The following ERBB4 variants were observed in gnomAD, a reference collection of about 807,000 sequenced individuals.
The protein encoded by ERBB4 is receptor tyrosine-protein kinase erbB-4.
A neutral mutation model predicts 158.0 loss-of-function variants in ERBB4; 42 were observed. That is an observed-to-expected ratio of 0.27 (90% CI 0.21 to 0.34). The LOEUF is 0.34. Among genes scored for constraint, ERBB4 ranks in the 10% least tolerant of loss-of-function variants. The pLI, the probability that ERBB4 is intolerant of heterozygous loss-of-function variation, is 1.00. For missense variants in ERBB4, 1,333 were observed against 1,624.1 expected (o/e 0.82, Z 3.08); for synonymous variants, 583 against 558.7 (o/e 1.04, Z -0.61).
intron 23 of ERBB4, among the ~76,000 whole-genome samples, chr2:211,423,712 A>G (rs1407886559): frequency 6.6e-6 from 1 of 151,800 alleles, no homozygotes; most frequent in East Asian, 1.9e-4. Context: ...CAGTAGACCT[A>G]TTTCTATTAA....
chr2:211,602,438 C>CCCA (rs1052381050), intron 19 of ERBB4, among the ~76,000 whole-genome samples: 2 of 152,022 alleles, frequency 1.3e-5, no homozygotes, highest in Non-Finnish European at 2.9e-5. Context: ...ATCACTTGTT[C>CCCA]ACCAGCCTGC....
chr2:211,462,124 C>T (rs1188725426), intron 20 of ERBB4, among the ~76,000 whole-genome samples: 1 of 151,822 alleles, frequency 6.6e-6, no homozygotes, highest in Non-Finnish European at 1.5e-5. Flanking sequence ...CTTGGCTTCT[C>T]GGGGAGATCT....
chr2:212,159,610 G>A (rs1439058375), intron 1 of ERBB4, among the ~76,000 whole-genome samples: 1 of 151,874 alleles, frequency 6.6e-6, no homozygotes, highest in Non-Finnish European at 1.5e-5. Flanking sequence ...TGACAGGCTA[G>A]TTGCAATTAC....
chr2:212,188,050 C>A (rs866733791), intron 1 of ERBB4, among the ~76,000 whole-genome samples: 66 of 152,118 alleles, frequency 4.3e-4, no homozygotes, highest in African/African-American at 1.5e-3. Context: ...TTTAGCACTT[C>A]TTCTCCTGAC....
intron 2 of ERBB4, 27 bp from the exon 3 acceptor site, chr2:211,947,643 G>A (rs940697354): frequency 1.2e-6 from 2 of 1,600,632 alleles, no homozygotes; most frequent in Non-Finnish European, 1.7e-6. Flanking sequence ...AGTTGCCTGT[G>A]TTATAAAACG....
intron 3 of ERBB4, among the ~76,000 whole-genome samples, chr2:211,922,128 T>C (rs2079873056): frequency 6.6e-6 from 1 of 152,144 alleles, no homozygotes; most frequent in African/African-American, 2.4e-5. Context: ...CCTTGTAGAA[T>C]GTTTGTCAGC....
chr2:212,442,364 G>T (rs1211002435), intron 1 of ERBB4, among the ~76,000 whole-genome samples: 1 of 152,124 alleles, frequency 6.6e-6, no homozygotes, highest in East Asian at 1.9e-4. Flanking sequence ...TTTGAGGAAG[G>T]ACCCCACTAC....
chr2:211,464,802 G>C (rs1247158935), intron 20 of ERBB4, among the ~76,000 whole-genome samples: 1 of 151,698 alleles, frequency 6.6e-6, no homozygotes, highest in East Asian at 1.9e-4. Context: ...TACAGTGGTG[G>C]CTTCTAATGG....
intron 2 of ERBB4, among the ~76,000 whole-genome samples, chr2:212,109,888 G>T (rs2079351531): frequency 6.6e-6 from 1 of 152,082 alleles, no homozygotes; most frequent in African/African-American, 2.4e-5. Flanking sequence ...AGATGCAGAG[G>T]GTATGAATTG....
rs550153713 is a variant in ERBB4 at position 211,532,156 on chromosome 2, G to C, written c.2487+29747C>G. On this transcript the variant is annotated intron_variant, in intron 20 of 27. Transcript: ENST00000342788. ...CCAGAGTCTGGGAAGGGTTGTGGGG[G>C]GGGAAAGTAGGTATGGTCAATGGGT... 4.3e-3 allele frequency among the ~76,000 whole-genome samples: 649 copies of C among 151,714 alleles called. 4 individuals carry two copies. Among genetic ancestry groups the C allele is most frequent in the African/African-American group, 0.015 (616 of 41,482 alleles).
intron 3 of ERBB4, among the ~76,000 whole-genome samples, chr2:211,802,225 G>A (rs2076514652): frequency 6.6e-6 from 1 of 151,312 alleles, no homozygotes; most frequent in African/African-American, 2.4e-5. Flanking sequence ...CGCCGCTGCA[G>A]TACGGCCTGG....
At chr2:211,749,569 G>C (rs1210283110) in intron 5 of ERBB4, among the ~76,000 whole-genome samples, 1 of 152,144 alleles carries the variant, frequency 6.6e-6, no homozygotes, top group East Asian at 1.9e-4. Context: ...TTTTGGATAT[G>C]AGAGTGCCCA....
intron 1 of ERBB4, among the ~76,000 whole-genome samples, chr2:212,310,476 C>G (rs989609153): frequency 6.0e-5 from 9 of 150,638 alleles, no homozygotes; most frequent in African/African-American, 2.2e-4. Context: ...ATTTTTTACT[C>G]CTTACAGCTT....
chr2:212,497,235 A>C (rs1690634343), intron 1 of ERBB4, among the ~76,000 whole-genome samples: 1 of 152,104 alleles, frequency 6.6e-6, no homozygotes, highest in Non-Finnish European at 1.5e-5. Context: ...TTAAAAAAAC[A>C]ATATTTATAG....
chr2:211,573,723 A>G (rs1028658474), intron 19 of ERBB4, among the ~76,000 whole-genome samples: 2 of 152,104 alleles, frequency 1.3e-5, no homozygotes, highest in Non-Finnish European at 2.9e-5. Flanking sequence ...AAAATGTTTC[A>G]GAAGCTACAG....
At chr2:211,532,255 T>A (rs1296354529) in intron 20 of ERBB4, among the ~76,000 whole-genome samples, 1 of 152,050 alleles carries the variant, frequency 6.6e-6, no homozygotes, top group African/African-American at 2.4e-5. Context: ...AATAATAATT[T>A]AATTGTACAT....
Position 211,378,599 on chromosome 2 carries a change from G to C in ERBB4, c.*5016C>G, listed in dbSNP as rs2062520019. On this transcript the variant is annotated 3_prime_UTR_variant, in exon 28 of 28. Transcript: ENST00000342788. The stretch of plus-strand genomic sequence containing the variant: ...GAGAGAACTCAGATCTCTGGGATCA[G>C]AAAAATTTTATTAATTCTACCCAGA... 4.3e-6 allele frequency: 1 copy of C among 232,538 alleles called. No homozygotes were observed. Among genetic ancestry groups the C allele is most frequent in the African/African-American group, 2.2e-5 (1 of 45,272 alleles). 14.4% of individuals were successfully genotyped at this position (232,538 alleles called of 1,614,324 possible).
chr2:211,805,441 A>C (rs2076592264), intron 3 of ERBB4, among the ~76,000 whole-genome samples: 1 of 152,234 alleles, frequency 6.6e-6, no homozygotes, highest in Admixed American at 6.5e-5. Flanking sequence ...GAAAGAAAAC[A>C]CAAGAGTATG....
At chr2:211,619,145 A>C in intron 19 of ERBB4, 32 bp downstream of exon 19, 1 of 1,318,338 alleles carries the variant, frequency 7.6e-7, no homozygotes, top group South Asian at 1.2e-5. Flanking sequence ...GATAATGGAG[A>C]AAAATGTGAT....
Sources: allele counts gnomAD v4.1 joint callset (sites outside exome capture counted in the v4.1 genomes callset), GRCh38; gene constraint gnomAD v4.1.1; transcripts MANE v1.5; gene names NCBI Gene and HGNC (gene_info 2026-07-23, HGNC 2026-07-21).